Variants in TNRC18 observed in about 807,000 individuals in gnomAD.
TNRC18 encodes the protein trinucleotide repeat containing 18.
In TNRC18, 69 loss-of-function variants were observed where a neutral mutation model predicts 226.7. That is an observed-to-expected ratio of 0.30 (90% CI 0.25 to 0.37). TNRC18 has a LOEUF of 0.37. TNRC18 is among the 10% of genes least tolerant of loss of function. The pLI is 1.00. For synonymous variants in TNRC18, 2,449 were observed against 1,927.6 expected, an observed-to-expected ratio of 1.27 and a Z score of -7.09; for missense variants, 4,754 against 4,256.6, an observed-to-expected ratio of 1.12 and a Z score of -3.25.
At chr7:5,397,476 C>T (rs1392918077) in intron 2 of TNRC18, among the ~76,000 whole-genome samples, 1 of 152,190 alleles carries the variant, frequency 6.6e-6, no homozygotes, top group East Asian at 1.9e-4. Flanking sequence ...CCAGGCTGGG[C>T]GGGGCAGCCG....
chr7:5,398,459 C>T (rs568300203), intron 2 of TNRC18, among the ~76,000 whole-genome samples: 60 of 152,294 alleles, frequency 3.9e-4, no homozygotes, highest in Non-Finnish European at 7.8e-4. Flanking sequence ...CGTGAGCCAC[C>T]GTGCCTGGCC....
At chr7:5,383,621 T>A (rs1584003658) in intron 5 of TNRC18, among the ~76,000 whole-genome samples, 1 of 152,146 alleles carries the variant, frequency 6.6e-6, no homozygotes, top group East Asian at 1.9e-4. Context: ...AGGAGACCAG[T>A]GTGACAACCC....
chr7:5,410,591 C>T (rs970522486), intron 2 of TNRC18, among the ~76,000 whole-genome samples: 1 of 151,998 alleles, frequency 6.6e-6, no homozygotes, highest in Non-Finnish European at 1.5e-5. Context: ...CGTGGCCAGG[C>T]GGAGTGGCTC....
chr7:5,404,281 G>C (rs1224374788), intron 2 of TNRC18, among the ~76,000 whole-genome samples: 2 of 151,996 alleles, frequency 1.3e-5, no homozygotes, highest in Non-Finnish European at 2.9e-5. Flanking sequence ...TGAGGCCGGA[G>C]AACTGCTTGA....
chr7:5,380,620 C>T (rs1398941460), intron 5 of TNRC18, among the ~76,000 whole-genome samples: 1 of 152,130 alleles, frequency 6.6e-6, no homozygotes, highest in East Asian at 1.9e-4. Context: ...TCCAGGGCTA[C>T]CTGGACCTCC....
intron 2 of TNRC18, among the ~76,000 whole-genome samples, chr7:5,412,763 A>G (rs1177286363): frequency 6.6e-6 from 1 of 152,130 alleles, no homozygotes; most frequent in Non-Finnish European, 1.5e-5. Flanking sequence ...CTGCCTCTAG[A>G]TGGAGCAGTG....
Position 5,371,161 on chromosome 7 carries a change from G to T in TNRC18, c.3433C>A (p.Arg1145=), listed in dbSNP as rs374367634. The T allele has an allele frequency of 1.2e-6, 2 of 1,607,916 alleles. No homozygotes were observed. Among genetic ancestry groups the T allele is most frequent in the South Asian group, 2.2e-5 (2 of 90,772 alleles). The stretch of plus-strand genomic sequence containing the variant: ...AGCGGTTCTTCCTCCGGGCCCTCCC[G>T]CAGCGGCTCTGTGATCTTGGAGGGG... ...LSPSKITEPL[R]EGPEEEPLAE... The change falls in exon 11 of 30, where the codon CGG becomes AGG. Residue 1145 remains arginine (R), a synonymous_variant. Coordinates refer to ENST00000430969, the MANE Select transcript of TNRC18 (RefSeq NM_001080495.3).
intron 18 of TNRC18, among the ~76,000 whole-genome samples, chr7:5,340,611 C>T (rs1448778828): frequency 2.6e-5 from 4 of 151,596 alleles, no homozygotes; most frequent in African/African-American, 7.3e-5. Context: ...GGCGTAGTGG[C>T]GGGTGCCTGT....
Position 5,392,410 on chromosome 7 carries a change from C to A in TNRC18, c.344-1782G>T, listed in dbSNP as rs149951833. Among the ~76,000 whole-genome samples the A allele has an allele frequency of 3.9e-3, 593 of 152,136 alleles. 6 individuals carry two copies. Among genetic ancestry groups the A allele is most frequent in the African/African-American group, 0.013 (559 of 41,508 alleles). On this transcript the variant is annotated intron_variant, in intron 3 of 29. Transcript: ENST00000430969. ...CTCAGGAGGCAGAGGTTGCAGTGAA[C>A]CGAGATCAGCCTGACCAACATGGTA...
At chr7:5,366,734 G>A (rs1334905164) in intron 11 of TNRC18, among the ~76,000 whole-genome samples, 2 of 152,142 alleles carry the variant, frequency 1.3e-5, no homozygotes, top group South Asian at 2.1e-4. Flanking sequence ...CCCCCGCCTC[G>A]AGGTCCTGCG....
intron 2 of TNRC18, among the ~76,000 whole-genome samples, chr7:5,409,758 C>CTT (rs1781718114): frequency 1.4e-5 from 2 of 144,828 alleles, no homozygotes; most frequent in Non-Finnish European, 3.0e-5. Flanking sequence ...GGGTGGATCA[C>CTT]GAGGTCAGGA....
chr7:5,332,563 C>G (rs1166459518), intron 19 of TNRC18, 59 bp downstream of exon 19: 2 of 1,462,150 alleles, frequency 1.4e-6, no homozygotes, highest in Non-Finnish European at 1.8e-6. Flanking sequence ...GGAGAGGGCC[C>G]CTCCCTCACG....
intron 17 of TNRC18, among the ~76,000 whole-genome samples, chr7:5,350,002 TAA>T (rs1791616722): frequency 6.6e-6 from 1 of 151,364 alleles, no homozygotes; most frequent in African/African-American, 2.4e-5. Context: ...AGCCCCTTCC[TAA>T]GAGGCCTAGG....
At chr7:5,321,035 G>T (rs771443567) in intron 22 of TNRC18, 38 bp downstream of exon 22, 2 of 1,436,136 alleles carry the variant, frequency 1.4e-6, no homozygotes, top group Non-Finnish European at 1.9e-6. Flanking sequence ...GCGGGTATGG[G>T]ACACGGGGCT....
At chr7:5,376,516 G>A (rs571335195) in intron 8 of TNRC18, among the ~76,000 whole-genome samples, 2 of 152,200 alleles carry the variant, frequency 1.3e-5, no homozygotes, top group African/African-American at 4.8e-5. Context: ...ACCACTGTGA[G>A]GACCTAGGGA....
In TNRC18 at chr7:5,309,157, G is replaced by C; in HGVS notation, c.8600C>G (p.Pro2867Arg). Residue 2867 changes from proline (P) to arginine (R), a missense_variant, in exon 28 of 30, where the codon CCG becomes CGG. Pro to Arg is a moderately radical substitution (Grantham distance 103). Coordinates refer to ENST00000430969, the MANE Select transcript of TNRC18 (RefSeq NM_001080495.3). This position sits in a 1 kb window ranked among gnomAD's most constrained non-coding sequence, Gnocchi z 5.7. Reference sequence around the variant, plus strand: ...CTGGCCCTGGTGGAACTGCTTGCCCGGGCTGGTCTCCTCGGGGTGGTAGAA... The same window carrying C: ...CTGGCCCTGGTGGAACTGCTTGCCCCGGCTGGTCTCCTCGGGGTGGTAGAA... ...KWFYHPEETS[P>R]GKQFHQGQHW... 5.0e-6 allele frequency: 8 copies of C among 1,611,480 alleles called. No homozygotes were observed. Among genetic ancestry groups the C allele is most frequent in the Non-Finnish European group, 6.8e-6 (8 of 1,179,392 alleles).
intron 2 of TNRC18, among the ~76,000 whole-genome samples, chr7:5,403,022 A>G (rs1391878209): frequency 6.6e-6 from 1 of 152,022 alleles, no homozygotes; most frequent in Non-Finnish European, 1.5e-5. Flanking sequence ...ACAGATAAAG[A>G]GACTGAGGCT....
At chr7:5,421,898 C>T (rs1315258027) in intron 1 of TNRC18, among the ~76,000 whole-genome samples, 1 of 149,074 alleles carries the variant, frequency 6.7e-6, no homozygotes, top group African/African-American at 2.6e-5. Flanking sequence ...ACAAACGGTC[C>T]GAAGTGTCTC....
chr7:5,308,376 G>C, intron 29 of TNRC18, 64 bp from the exon 30 acceptor site: 1 of 1,477,014 alleles, frequency 6.8e-7, no homozygotes, highest in Non-Finnish European at 9.2e-7. Context: ...GAGCCCCAGG[G>C]AGCCACAGGG....
Sources: allele counts gnomAD v4.1 joint callset (sites outside exome capture counted in the v4.1 genomes callset), GRCh38; gene constraint gnomAD v4.1.1; non-coding constraint Gnocchi (gnomAD v3.1); transcripts MANE v1.5; gene names NCBI Gene and HGNC (gene_info 2026-07-23, HGNC 2026-07-21).